Variants in DLGAP2 observed in about 807,000 individuals in gnomAD.
DLGAP2 encodes disks large-associated protein 2.
Under a neutral mutation model 100.3 loss-of-function variants are expected in DLGAP2, and 26 were observed. That is an observed-to-expected ratio of 0.26 (90% CI 0.19 to 0.36). The LOEUF (loss-of-function observed/expected upper bound fraction) is 0.36. Ranked by LOEUF, DLGAP2 falls within the 10% of genes least tolerant of loss-of-function variation. DLGAP2 has a pLI of 1.00. For synonymous variants in DLGAP2, 886 were observed against 630.1 expected (o/e 1.41, Z -6.08); for missense variants, 1,858 against 1,453.2 (o/e 1.28, Z -4.53).
At chr8:895,065 A>T (rs1204871269) in intron 1 of DLGAP2, among the ~76,000 whole-genome samples, 2 of 144,438 alleles carry the variant, frequency 1.4e-5, no homozygotes, top group African/African-American at 5.2e-5. Flanking sequence ...GTGGGGAGTC[A>T]GCTGGGTGGG....
chr8:1,260,989 C>A (rs1461621523), intron 3 of DLGAP2, among the ~76,000 whole-genome samples: 1 of 152,222 alleles, frequency 6.6e-6, no homozygotes, highest in Non-Finnish European at 1.5e-5. Flanking sequence ...CACATACTGT[C>A]GGCTCCCAGC....
chr8:1,057,008 C>A (rs927263244), intron 2 of DLGAP2, among the ~76,000 whole-genome samples: 1 of 152,222 alleles, frequency 6.6e-6, no homozygotes, highest in African/African-American at 2.4e-5. Context: ...TTTTCGTTAA[C>A]CCCAAGAACT....
chr8:825,492 G>A (rs540761912), intron 1 of DLGAP2, among the ~76,000 whole-genome samples: 2 of 152,230 alleles, frequency 1.3e-5, no homozygotes, highest in Admixed American at 6.5e-5. Context: ...AAGTCCTGTG[G>A]GCAAAGCATT....
At chr8:1,256,130 T>TTG (rs1799205735) in intron 2 of DLGAP2, among the ~76,000 whole-genome samples, 1 of 69,094 alleles carries the variant, frequency 1.4e-5, no homozygotes, top group Non-Finnish European at 2.6e-5. Context: ...CCTGGGTGCT[T>TTG]TCTGTGTCCT....
chr8:1,049,029 A>G (rs1218253376), intron 2 of DLGAP2, among the ~76,000 whole-genome samples: 2 of 152,210 alleles, frequency 1.3e-5, no homozygotes, highest in African/African-American at 4.8e-5. Flanking sequence ...CATTGATAAG[A>G]GATTGACAAA....
intron 3 of DLGAP2, among the ~76,000 whole-genome samples, chr8:1,272,346 G>A (rs1204478725): frequency 6.6e-6 from 1 of 151,856 alleles, no homozygotes; most frequent in Non-Finnish European, 1.5e-5. Flanking sequence ...TAGGGGCCAA[G>A]GAATTTCCAA....
chr8:1,073,477 A>G (rs1383285267), intron 2 of DLGAP2, among the ~76,000 whole-genome samples: 3 of 152,226 alleles, frequency 2.0e-5, no homozygotes, highest in Admixed American at 6.5e-5. Context: ...CAGAAAAAAT[A>G]TACTTGCTCC....
chr8:1,185,992 C>A (rs1244938034), intron 2 of DLGAP2, among the ~76,000 whole-genome samples: 2 of 152,184 alleles, frequency 1.3e-5, no homozygotes, highest in Non-Finnish European at 2.9e-5. Flanking sequence ...TTAACCAGGC[C>A]AGCTTCCTTG....
chr8:1,440,511 A>G (rs1453619947), intron 3 of DLGAP2, among the ~76,000 whole-genome samples: 1 of 152,254 alleles, frequency 6.6e-6, no homozygotes, highest in African/African-American at 2.4e-5. Flanking sequence ...AAACCCAGAG[A>G]GTCTGAGTGG....
chr8:1,407,475 A>G (rs1318346474), intron 3 of DLGAP2, among the ~76,000 whole-genome samples: 20 of 120,056 alleles, frequency 1.7e-4, no homozygotes, highest in East Asian at 6.4e-4. Flanking sequence ...CTCATCCTCC[A>G]GGGTAGTGTA....
chr8:1,474,355 G>A (rs533697998), intron 3 of DLGAP2, among the ~76,000 whole-genome samples: 4 of 152,286 alleles, frequency 2.6e-5, no homozygotes, highest in South Asian at 2.1e-4. Context: ...GTGTGCAAGT[G>A]TCTTTTTCAT....
intron 3 of DLGAP2, among the ~76,000 whole-genome samples, chr8:1,370,852 AC>A (rs1349241773): frequency 9.2e-5 from 14 of 152,222 alleles, no homozygotes; most frequent in African/African-American, 3.4e-4. Flanking sequence ...TGAGTAACGC[AC>A]CACACAGGAC....
At chr8:1,342,099 T>C (rs6558454) in intron 3 of DLGAP2, among the ~76,000 whole-genome samples, 89,331 of 151,688 alleles carry the variant, frequency 0.59, 28,286 homozygotes, top group African/African-American at 0.84. Context: ...AACAGGCAGG[T>C]GCCCCTACCC....
intron 3 of DLGAP2, among the ~76,000 whole-genome samples, chr8:1,434,231 G>A (rs574568245): frequency 6.6e-6 from 1 of 152,266 alleles, no homozygotes; most frequent in Admixed American, 6.5e-5. Flanking sequence ...TTCTCAGACT[G>A]GCCCTGAGGA....
At chr8:1,657,484 T>C (rs1162487459) in intron 8 of DLGAP2, among the ~76,000 whole-genome samples, 1 of 152,232 alleles carries the variant, frequency 6.6e-6, no homozygotes, top group African/African-American at 2.4e-5. Context: ...TAAAATGCTT[T>C]CATTCATTGA....
chr8:1,544,068 A>T (rs1433420089), intron 4 of DLGAP2, among the ~76,000 whole-genome samples: 1 of 151,800 alleles, frequency 6.6e-6, no homozygotes, highest in African/African-American at 2.4e-5. Context: ...ATGCCTGGCT[A>T]ATTTTTGTAT....
chr8:1,596,502 G>A (rs748391390), intron 6 of DLGAP2, among the ~76,000 whole-genome samples: 13 of 152,096 alleles, frequency 8.5e-5, no homozygotes, highest in Admixed American at 3.9e-4. Flanking sequence ...GTGTAAAAGC[G>A]TTCCTATTTT....
intron 2 of DLGAP2, among the ~76,000 whole-genome samples, chr8:1,194,383 A>G (rs994209390): frequency 5.3e-5 from 8 of 152,082 alleles, no homozygotes; most frequent in African/African-American, 1.7e-4. Flanking sequence ...GCCGGCCCAC[A>G]TAAGGGCACC....
chr8:947,438 G>A (rs890201142), intron 2 of DLGAP2, among the ~76,000 whole-genome samples: 13 of 152,228 alleles, frequency 8.5e-5, no homozygotes, highest in African/African-American at 2.9e-4. Context: ...GGCCCCTTAC[G>A]TCCGCGCGGC....
Sources: allele counts gnomAD v4.1 joint callset (sites outside exome capture counted in the v4.1 genomes callset), GRCh38; gene constraint gnomAD v4.1.1; transcripts MANE v1.5; gene names NCBI Gene and HGNC (gene_info 2026-07-23, HGNC 2026-07-21).